The following SIPA1L1 variants were observed in gnomAD, a reference collection of about 807,000 sequenced individuals.
SIPA1L1 encodes signal-induced proliferation-associated 1-like protein 1.
SIPA1L1 carries 26 observed loss-of-function variants against 162.7 expected under a neutral mutation model. The ratio of observed to expected loss-of-function variants is 0.16; its 90% CI spans 0.12 to 0.22. SIPA1L1 has a LOEUF of 0.22. SIPA1L1 is among the 10% of genes least tolerant of loss of function. The pLI is 1.00. For missense variants in SIPA1L1, 1,874 were observed against 2,241.0 expected (o/e 0.84, Z 3.31); for synonymous variants, 829 against 837.4 (o/e 0.99, Z 0.17).
chr14:71,662,759 C>T (rs781702336), intron 10 of SIPA1L1, among the ~76,000 whole-genome samples: 11 of 152,172 alleles, frequency 7.2e-5, no homozygotes, highest in Non-Finnish European at 1.0e-4. Context: ...GAACCCCCAA[C>T]AATGAAGACC....
chr14:71,379,408 G>A (rs2039695519), intron 2 of SIPA1L1: 1 of 151,302 alleles, frequency 6.6e-6, no homozygotes, highest in African/African-American at 2.4e-5. Context: ...GGCCTGAGCA[G>A]TCTTCCCACC....
intron 5 of SIPA1L1, among the ~76,000 whole-genome samples, chr14:71,606,594 T>C (rs1398164776): frequency 1.3e-5 from 2 of 152,118 alleles, no homozygotes; most frequent in Non-Finnish European, 2.9e-5. Flanking sequence ...CATCTCCTTA[T>C]GTTTGTTTCA....
At chr14:71,598,326 C>A in intron 5 of SIPA1L1, 1 of 558,374 alleles carries the variant, frequency 1.8e-6, no homozygotes, top group Non-Finnish European at 2.3e-6. Context: ...TTTGCATGAT[C>A]TCCAGGTATC....
chr14:71,628,189 T>G (rs2040223394), intron 7 of SIPA1L1, among the ~76,000 whole-genome samples: 2 of 152,234 alleles, frequency 1.3e-5, no homozygotes, highest in South Asian at 4.1e-4. Flanking sequence ...TCAAGTCAGC[T>G]TTTAAATAAT....
chr14:71,653,421 A>C (rs1035321861), intron 8 of SIPA1L1, among the ~76,000 whole-genome samples: 15 of 152,352 alleles, frequency 9.8e-5, no homozygotes, highest in African/African-American at 3.4e-4. Context: ...ACCCCTATTC[A>C]GATTTCTGAA....
At chr14:71,585,554 C>G (rs918927345) in intron 4 of SIPA1L1, among the ~76,000 whole-genome samples, 4 of 152,176 alleles carry the variant, frequency 2.6e-5, no homozygotes, top group Admixed American at 2.0e-4. Context: ...GTTTCCTCCT[C>G]TAATGGAAAT....
At chr14:71,599,288 T>C (rs1026089848) in intron 5 of SIPA1L1, among the ~76,000 whole-genome samples, 10 of 151,518 alleles carry the variant, frequency 6.6e-5, no homozygotes, top group African/African-American at 2.4e-4. Flanking sequence ...GTAGCTGGGA[T>C]TACAGGCATG....
chr14:71,665,987 A>C (rs918864079), intron 10 of SIPA1L1, among the ~76,000 whole-genome samples: 1 of 152,186 alleles, frequency 6.6e-6, no homozygotes, highest in Non-Finnish European at 1.5e-5. Context: ...ATAAGGGGGA[A>C]CTATTGTGTG....
At chr14:71,385,857 T>C (rs1329457354) in intron 2 of SIPA1L1, among the ~76,000 whole-genome samples, 3 of 151,980 alleles carry the variant, frequency 2.0e-5, no homozygotes, top group African/African-American at 7.3e-5. Flanking sequence ...CCAGCTAATT[T>C]TTGTATTTTT....
chr14:71,701,367 C>T (rs2082089243), intron 14 of SIPA1L1, among the ~76,000 whole-genome samples: 1 of 152,098 alleles, frequency 6.6e-6, no homozygotes, highest in South Asian at 2.1e-4. Flanking sequence ...ACTGTAGTGG[C>T]CACCACACCA....
chr14:71,476,946 C>G (rs1281470631), intron 2 of SIPA1L1, among the ~76,000 whole-genome samples: 12 of 152,072 alleles, frequency 7.9e-5, no homozygotes, highest in Non-Finnish European at 1.5e-4. Context: ...CATAACTCTT[C>G]TACCTCGCTC....
intron 4 of SIPA1L1, among the ~76,000 whole-genome samples, chr14:71,584,934 C>T (rs1278624812): frequency 1.3e-5 from 2 of 152,100 alleles, no homozygotes; most frequent in African/African-American, 4.8e-5. Flanking sequence ...TGATCATTGT[C>T]AACATAGGTT....
intron 5 of SIPA1L1, among the ~76,000 whole-genome samples, chr14:71,615,113 G>A (rs2038682836): frequency 6.6e-6 from 1 of 152,102 alleles, no homozygotes; most frequent in African/African-American, 2.4e-5. Flanking sequence ...AGATGTCTAT[G>A]TCATACTTCG....
intron 4 of SIPA1L1, among the ~76,000 whole-genome samples, chr14:71,530,255 A>T (rs536894706): frequency 6.6e-6 from 1 of 152,310 alleles, no homozygotes; most frequent in East Asian, 1.9e-4. Context: ...GTTGACTGGC[A>T]TACTCTTCAC....
At chr14:71,550,661 C>G (rs990680184) in intron 4 of SIPA1L1, among the ~76,000 whole-genome samples, 1 of 152,006 alleles carries the variant, frequency 6.6e-6, no homozygotes, top group African/African-American at 2.4e-5. Context: ...GAAATATCCT[C>G]TGTATGCCTC....
rs577245408 is a variant in SIPA1L1, at chr14:71,542,454, C to CCTGCTG, written c.-303+13096_-303+13101dup. ...GCTGCTGCTGCTTCTGCTTCTTCTT[C>CCTGCTG]CTGCTGCTGCTGCTGCTTCTGCTTC... On this transcript the variant is annotated intron_variant, in intron 4 of 23. Coordinates refer to ENST00000381232, the MANE Select transcript of SIPA1L1 (RefSeq NM_001386936.1). 5.0e-3 allele frequency among the ~76,000 whole-genome samples: 762 copies of CCTGCTG among 151,154 alleles called. 10 individuals are homozygous for CCTGCTG. The highest frequency in any genetic ancestry group is 0.018 in the African/African-American group (731 of 41,064).
At chr14:71,733,931 A>G in intron 21 of SIPA1L1, 119 bp downstream of exon 21, 1 of 1,098,396 alleles carries the variant, frequency 9.1e-7, no homozygotes, top group Admixed American at 2.7e-5. Flanking sequence ...ATGAGCTATC[A>G]GTTACTGAGC....
chr14:71,644,031 C>T (rs2041949559), intron 7 of SIPA1L1, among the ~76,000 whole-genome samples: 1 of 152,188 alleles, frequency 6.6e-6, no homozygotes, highest in African/African-American at 2.4e-5. Context: ...TGGTCTCAAA[C>T]TCCTGACCTT....
chr14:71,584,391 G>T (rs2034327141), intron 4 of SIPA1L1, among the ~76,000 whole-genome samples: 1 of 152,196 alleles, frequency 6.6e-6, no homozygotes, highest in Non-Finnish European at 1.5e-5. Context: ...CCCAGCAGGA[G>T]ATTGTAAGCT....
Sources: allele counts gnomAD v4.1 joint callset (sites outside exome capture counted in the v4.1 genomes callset), GRCh38; gene constraint gnomAD v4.1.1; transcripts MANE v1.5; gene names NCBI Gene and HGNC (gene_info 2026-07-23, HGNC 2026-07-21).